Variants in SDK1 observed in about 807,000 individuals in gnomAD.
The protein encoded by SDK1 is protein sidekick-1.
SDK1 carries 157 observed loss-of-function variants against 245.5 expected under a neutral mutation model. That is an observed-to-expected ratio of 0.64 (90% CI 0.56 to 0.73). SDK1 has a LOEUF of 0.73. Among genes scored for constraint, SDK1 ranks in the 30% least tolerant of loss-of-function variants. SDK1 has a pLI of 0.00. For missense variants in SDK1, 3,583 were observed against 3,002.3 expected (o/e 1.19, Z -4.52); for synonymous variants, 1,647 against 1,278.5 (o/e 1.29, Z -6.15).
intron 5 of SDK1, among the ~76,000 whole-genome samples, chr7:3,944,615 C>G (rs1261011901): frequency 6.6e-6 from 1 of 152,128 alleles, no homozygotes; most frequent in Admixed American, 6.5e-5. Flanking sequence ...TTCTTTGCAT[C>G]TTCTAAAAAT....
At chr7:4,129,753 G>A (rs1375817745) in intron 26 of SDK1, 155 bp from the exon 27 acceptor site, 3 of 1,451,162 alleles carry the variant, frequency 2.1e-6, no homozygotes, top group African/African-American at 1.4e-5. Context: ...ATGCCAGCAT[G>A]GACAAATTAG....
chr7:4,165,918 C>T (rs1027291289), intron 32 of SDK1, among the ~76,000 whole-genome samples: 2 of 152,150 alleles, frequency 1.3e-5, no homozygotes, highest in African/African-American at 2.4e-5. Flanking sequence ...TCCCCAGTGT[C>T]TAGGACTACA....
chr7:4,150,220 G>C (rs571681891), intron 30 of SDK1, among the ~76,000 whole-genome samples: 36 of 152,300 alleles, frequency 2.4e-4, no homozygotes, highest in African/African-American at 8.4e-4. Context: ...CCTGGGGCCT[G>C]TCTGGTTCGC....
At chr7:3,805,512 A>T (rs1779219774) in intron 4 of SDK1, among the ~76,000 whole-genome samples, 1 of 152,234 alleles carries the variant, frequency 6.6e-6, no homozygotes, top group East Asian at 1.9e-4. Flanking sequence ...TTCTGCCCTG[A>T]CCTATAATTA....
intron 1 of SDK1, among the ~76,000 whole-genome samples, chr7:3,580,140 A>G (rs1373197849): frequency 6.6e-6 from 1 of 152,248 alleles, no homozygotes; most frequent in East Asian, 1.9e-4. Context: ...AAGAAATCAG[A>G]GATGACACAA....
chr7:3,630,431 T>C (rs1782254435), intron 2 of SDK1, among the ~76,000 whole-genome samples: 1 of 152,208 alleles, frequency 6.6e-6, no homozygotes, highest in African/African-American at 2.4e-5. Context: ...AAGAATTAAT[T>C]ATATTTCTGT....
chr7:3,625,700 G>A (rs1310502950), intron 2 of SDK1, among the ~76,000 whole-genome samples: 1 of 152,188 alleles, frequency 6.6e-6, no homozygotes, highest in Non-Finnish European at 1.5e-5. Flanking sequence ...GATAAATATG[G>A]GTCCCATGGT....
intron 44 of SDK1, among the ~76,000 whole-genome samples, chr7:4,254,384 G>C (rs780864961): frequency 1.3e-5 from 2 of 152,148 alleles, no homozygotes; most frequent in Non-Finnish European, 1.5e-5. Flanking sequence ...TCTTCTGCCA[G>C]CTCAAGTCTA....
chr7:3,423,918 A>ATTT (rs762630504), intron 1 of SDK1, among the ~76,000 whole-genome samples: 2 of 145,094 alleles, frequency 1.4e-5, no homozygotes, highest in Non-Finnish European at 3.0e-5. Context: ...AACACATACT[A>ATTT]TTTTTTTTTT....
intron 32 of SDK1, among the ~76,000 whole-genome samples, chr7:4,168,988 C>G (rs879361086): frequency 6.6e-6 from 1 of 152,154 alleles, no homozygotes; most frequent in Non-Finnish European, 1.5e-5. Flanking sequence ...GGACCAGGAG[C>G]CTTGGGCAAA....
chr7:4,047,877 C>T (rs1455564204), intron 17 of SDK1, among the ~76,000 whole-genome samples: 2 of 152,216 alleles, frequency 1.3e-5, no homozygotes, highest in African/African-American at 2.4e-5. Flanking sequence ...CTTTCCAATG[C>T]TCGGCATCCC....
At chr7:3,744,705 G>A (rs534358301) in intron 4 of SDK1, among the ~76,000 whole-genome samples, 9 of 152,018 alleles carry the variant, frequency 5.9e-5, no homozygotes, top group South Asian at 2.1e-4. Flanking sequence ...TCAGCTACTC[G>A]GGAGGCTGAG....
rs543675585 is a variant in SDK1 at position 3,379,195 on chromosome 7, A to G, written c.298+77311A>G. Among the ~76,000 whole-genome samples the G allele has an allele frequency of 5.3e-5, 8 of 152,248 alleles. 1 individual carries two copies. In the South Asian group the frequency reaches 6.2e-4, roughly 12 times the overall value. On this transcript the variant is annotated intron_variant, in intron 1 of 44. Transcript: ENST00000404826. ...CCACAACTCTTTATTGTGCGGGGCA[A>G]TGTGCTGGGCATTAGAAAATAATGG...
At chr7:4,224,982 CAAAAAAAAAAAAAAAAAAAAA>C (rs3038664) in intron 40 of SDK1, among the ~76,000 whole-genome samples, 4 of 43,714 alleles carry the variant, frequency 9.2e-5, no homozygotes, top group East Asian at 9.6e-4. Context: ...GACTCTGTCT[CAAAAAAAAAAAAAAAAAAAAA>C]AAAAAAAAAA....
At chr7:3,708,161 G>A (rs1583327693) in intron 4 of SDK1, among the ~76,000 whole-genome samples, 1 of 152,154 alleles carries the variant, frequency 6.6e-6, no homozygotes, top group East Asian at 1.9e-4. Flanking sequence ...AAGAGAGAAT[G>A]AGAGGGGAGA....
chr7:3,663,869 A>G (rs73298279), intron 4 of SDK1, among the ~76,000 whole-genome samples: 3,346 of 152,316 alleles, frequency 0.022, 133 homozygotes, highest in African/African-American at 0.076. Context: ...GGTTTCATGA[A>G]CAGAACTGAA....
chr7:3,837,426 G>A (rs1251913054), intron 5 of SDK1, among the ~76,000 whole-genome samples: 5 of 152,200 alleles, frequency 3.3e-5, no homozygotes, highest in African/African-American at 9.6e-5. Flanking sequence ...AGAGACTTGA[G>A]TTTTCCTGTG....
intron 22 of SDK1, among the ~76,000 whole-genome samples, chr7:4,098,692 C>T (rs1481260997): frequency 6.6e-6 from 1 of 151,902 alleles, no homozygotes. Flanking sequence ...GAGATAGGGT[C>T]TCGCTCTGTC....
chr7:4,046,345 T>C (rs2128164617), intron 17 of SDK1, among the ~76,000 whole-genome samples: 1 of 152,320 alleles, frequency 6.6e-6, no homozygotes, highest in Middle Eastern at 3.4e-3. Context: ...ATTTTTTTTC[T>C]TTTATGGATT....
Sources: allele counts gnomAD v4.1 joint callset (sites outside exome capture counted in the v4.1 genomes callset), GRCh38; gene constraint gnomAD v4.1.1; transcripts MANE v1.5; gene names NCBI Gene and HGNC (gene_info 2026-07-23, HGNC 2026-07-21).